ADAMTS17: variants seen among roughly 807,000 people sequenced by gnomAD.
ADAMTS17 encodes the protein ADAM metallopeptidase with thrombospondin type 1 motif 17.
Under a neutral mutation model 141.5 loss-of-function variants are expected in ADAMTS17, and 113 were observed. That is an observed-to-expected ratio of 0.80 (90% CI 0.69 to 0.93). The LOEUF (loss-of-function observed/expected upper bound fraction) is 0.93, where lower values mean the gene tolerates loss of function less well. Ranked by LOEUF, ADAMTS17 falls within the 40% of genes least tolerant of loss-of-function variation. The probability of loss-of-function intolerance (pLI) is 0.00; values close to 1 mark genes in which losing one functional copy is unlikely to be tolerated. For synonymous variants in ADAMTS17, 768 were observed against 630.6 expected, an observed-to-expected ratio of 1.22 and a Z score of -3.27; for missense variants, 1,659 against 1,517.9, an observed-to-expected ratio of 1.09 and a Z score of -1.54.
rs761485289 is a variant in ADAMTS17 at position 100,132,086 on chromosome 15, G to A, written c.1642C>T (p.Pro548Ser). 7 of 1,614,016 alleles carry A rather than the reference G, an allele frequency of 4.3e-6. No homozygotes were observed. The highest frequency in any genetic ancestry group is 1.6e-4 in the Middle Eastern group (1 of 6,084). The change falls in exon 12 of 22, where the codon CCG becomes TCG. Residue 548 changes from proline to serine, a missense_variant. Physicochemically the swap from Pro to Ser is moderately conservative, Grantham distance 74 (BLOSUM62 -1). Transcript: ENST00000268070. The part of the protein sequence containing the change: ...IPEHVDGDWS[P>S]WGAWSMCSRT... ...CTGCACATGCTCCAGGCGCCCCACG[G>A]GCTCCAGTCTCCGTCCACATGCTCC...
intron 10 of ADAMTS17, among the ~76,000 whole-genome samples, chr15:100,141,737 G>A (rs982498439): frequency 6.6e-6 from 1 of 152,212 alleles, no homozygotes; most frequent in Non-Finnish European, 1.5e-5. Context: ...ACTCACAACT[G>A]GCATGGTGTG....
intron 15 of ADAMTS17, among the ~76,000 whole-genome samples, chr15:100,073,818 A>G (rs1218895658): frequency 2.0e-5 from 3 of 151,404 alleles, no homozygotes; most frequent in African/African-American, 4.9e-5. Context: ...AATGTTAAAT[A>G]ACGAGTTGAT....
At chr15:100,174,047 C>T (rs150176640) in intron 8 of ADAMTS17, among the ~76,000 whole-genome samples, 1 of 152,340 alleles carries the variant, frequency 6.6e-6, no homozygotes, top group Non-Finnish European at 1.5e-5. Flanking sequence ...AAACACAGAT[C>T]AAGCCCCCTC....
chr15:100,117,359 G>C (rs1246543819), intron 12 of ADAMTS17, among the ~76,000 whole-genome samples: 1 of 152,158 alleles, frequency 6.6e-6, no homozygotes, highest in Non-Finnish European at 1.5e-5. Context: ...CTTCTGGAGA[G>C]GGTGTGTGTG....
At chr15:100,323,196 C>T (rs188830693) in intron 3 of ADAMTS17, among the ~76,000 whole-genome samples, 4,018 of 149,798 alleles carry the variant, frequency 0.027, 88 homozygotes, top group African/African-American at 0.052. Flanking sequence ...CTTTCTGCCA[C>T]ATGCTGTGTT....
At chr15:100,216,891 C>T (rs80323869) in intron 7 of ADAMTS17, among the ~76,000 whole-genome samples, 7,367 of 152,286 alleles carry the variant, frequency 0.048, 223 homozygotes, top group Middle Eastern at 0.11. Context: ...ACATTGAATG[C>T]ACTTCTTGGA....
chr15:100,280,928 C>T (rs2044258693), intron 4 of ADAMTS17, among the ~76,000 whole-genome samples: 1 of 152,178 alleles, frequency 6.6e-6, no homozygotes, highest in East Asian at 1.9e-4. Context: ...AGGACTTTGC[C>T]GCTTGGAGTG....
chr15:100,105,727 G>A lies in ADAMTS17; in HGVS notation c.2016+3262C>T, dbSNP rs564185937. ...TTTTGAGATGGAGTCTTACTCTGTC[G>A]CCCAGGCTGGAGTGCAATGGTGCAA... On this transcript the variant is annotated intron_variant, in intron 14 of 21. Coordinates refer to ENST00000268070, the MANE Select transcript of ADAMTS17 (RefSeq NM_139057.4). Among the ~76,000 whole-genome samples, 40 of 152,048 alleles carry A rather than the reference G, an allele frequency of 2.6e-4. No homozygotes were observed. In the South Asian group the frequency reaches 2.9e-3, roughly 11 times the overall value.
rs2044595216 is a variant in ADAMTS17 at position 100,290,564 on chromosome 15, A to G, written c.617-9163T>C. ...CTGAATAGCTAAAGCAATTCTAAGC[A>G]AAAAGAACAAAGAAGGAGGCATGAC... On this transcript the variant is annotated intron_variant, in intron 3 of 21. Transcript: ENST00000268070. Among the ~76,000 whole-genome samples the G allele has an allele frequency of 2.0e-5, 3 of 152,242 alleles. No individual in the cohort carries two copies. In the South Asian group the frequency reaches 6.2e-4, roughly 32 times the overall value.
intron 15 of ADAMTS17, among the ~76,000 whole-genome samples, chr15:100,082,578 G>C (rs997451118): frequency 6.6e-6 from 1 of 151,888 alleles, no homozygotes; most frequent in East Asian, 1.9e-4. Context: ...TGTAGAGGCA[G>C]GGTTTCGCCA....
Position 100,200,489 on chromosome 15 carries a change from G to A in ADAMTS17, c.1076-1066C>T, listed in dbSNP as rs368547189. Among the ~76,000 whole-genome samples, 9 of 152,230 alleles carry A rather than the reference G, an allele frequency of 5.9e-5. No individual in the cohort carries two copies. The East Asian group carries it at 7.7e-4, about 13-fold the overall frequency. Reference sequence around the variant, plus strand: ...ACCCAGGAAAGACATGTCTCGCCCCGCAGGGACCACAGGGCTTATCTCAAC... The same window carrying A: ...ACCCAGGAAAGACATGTCTCGCCCCACAGGGACCACAGGGCTTATCTCAAC... On this transcript the variant is annotated intron_variant, in intron 7 of 21. Coordinates refer to ENST00000268070, the MANE Select transcript of ADAMTS17 (RefSeq NM_139057.4).
intron 8 of ADAMTS17, among the ~76,000 whole-genome samples, chr15:100,192,596 C>T (rs2040959913): frequency 6.6e-6 from 1 of 152,328 alleles, no homozygotes; most frequent in African/African-American, 2.4e-5. Flanking sequence ...TCAGGCCAAA[C>T]ATTTGAGGCA....
intron 7 of ADAMTS17, among the ~76,000 whole-genome samples, chr15:100,209,336 C>A (rs1341224873): frequency 6.6e-6 from 1 of 152,164 alleles, no homozygotes; most frequent in African/African-American, 2.4e-5. Context: ...TCAGCCCAGG[C>A]CTCAGAGCAG....
intron 8 of ADAMTS17, among the ~76,000 whole-genome samples, chr15:100,167,003 G>A (rs2039975305): frequency 6.6e-6 from 1 of 152,212 alleles, no homozygotes; most frequent in Admixed American, 6.5e-5. Context: ...TGCGATGACG[G>A]GAAAGTCTCT....
intron 15 of ADAMTS17, chr15:100,063,854 C>CT (rs2033312596): frequency 2.4e-6 from 2 of 839,644 alleles, no homozygotes; most frequent in South Asian, 2.8e-5. Flanking sequence ...ACCAAGCCCC[C>CT]CACAGTGGCT....
intron 7 of ADAMTS17, among the ~76,000 whole-genome samples, chr15:100,245,879 G>A (rs770967209): frequency 5.3e-5 from 8 of 152,186 alleles, no homozygotes; most frequent in East Asian, 1.9e-4. Flanking sequence ...ATGCATGAGC[G>A]TAAAGGTGTG....
intron 15 of ADAMTS17, among the ~76,000 whole-genome samples, chr15:100,060,081 G>T (rs1323948480): frequency 6.6e-6 from 1 of 152,188 alleles, no homozygotes; most frequent in Non-Finnish European, 1.5e-5. Flanking sequence ...GATTTTATGG[G>T]CAATTAACAG....
intron 2 of ADAMTS17, among the ~76,000 whole-genome samples, chr15:100,339,983 C>T (rs1428724834): frequency 6.6e-6 from 1 of 152,222 alleles, no homozygotes; most frequent in East Asian, 1.9e-4. Flanking sequence ...TAGATGGTGG[C>T]ACAAGAAAAG....
At position 100,155,117 on chromosome 15, in the gene ADAMTS17, T is replaced by G. The variant is rs548978689; in HGVS notation, c.1322+63A>C. On this transcript the variant is annotated intron_variant, in intron 9 of 21. Transcript: ENST00000268070. ...CACTTCACACTTGCTGAGACTCCAA[T>G]ACTTTTGTCTTTTGGAAGTACTTTT... 5.6e-6 allele frequency: 9 copies of G among 1,611,188 alleles called. No individual in the cohort carries two copies. In the South Asian group the frequency reaches 7.7e-5, roughly 14 times the overall value.
Sources: allele counts gnomAD v4.1 joint callset (sites outside exome capture counted in the v4.1 genomes callset), GRCh38; gene constraint gnomAD v4.1.1; transcripts MANE v1.5; gene names NCBI Gene and HGNC (gene_info 2026-07-23, HGNC 2026-07-21).